The following NFXL1 variants were observed in gnomAD, a reference collection of about 807,000 sequenced individuals.
NFXL1 encodes nuclear transcription factor, X-box binding like 1, also known as NF-X1-type zinc finger protein NFXL1.
A neutral mutation model predicts 123.3 loss-of-function variants in NFXL1; 66 were observed. That is an observed-to-expected ratio of 0.54 (90% CI 0.44 to 0.66). NFXL1 has a LOEUF of 0.66. Ranked by LOEUF, NFXL1 falls within the 30% of genes least tolerant of loss-of-function variation. The pLI is 0.00. For missense variants in NFXL1, 944 were observed against 1,125.6 expected, an observed-to-expected ratio of 0.84 and a Z score of 2.31; for synonymous variants, 346 against 360.8, an observed-to-expected ratio of 0.96 and a Z score of 0.46.
intron 19 of NFXL1, among the ~76,000 whole-genome samples, chr4:47,861,290 T>A (rs565299061): frequency 2.0e-5 from 3 of 152,164 alleles, no homozygotes; most frequent in Non-Finnish European, 4.4e-5. Context: ...ACAATGAAAT[T>A]CACCTGTCTA....
rs568942794 is a variant in NFXL1 at position 47,878,949 on chromosome 4, T to C, written c.1938+147A>G. On this transcript the variant is annotated intron_variant, in intron 16 of 22. Coordinates refer to ENST00000507489, the MANE Select transcript of NFXL1 (RefSeq NM_001278624.2). Reference sequence around the variant, plus strand: ...TCAAATAAAGGCACTACATATTTTTTAAATTAGTAGATAAACTCTTGTACT... The same window carrying C: ...TCAAATAAAGGCACTACATATTTTTCAAATTAGTAGATAAACTCTTGTACT... 4 of 548,254 alleles carry C rather than the reference T, an allele frequency of 7.3e-6. No individual in the cohort carries two copies. In the South Asian group the frequency reaches 1.2e-4, roughly 17 times the overall value. The allele number at this position is 548,254 out of a possible 1,614,324, so 34.0% of individuals were successfully genotyped here.
At position 47,914,197 on chromosome 4, in the gene NFXL1, C is replaced by G; in HGVS notation, c.7G>C (p.Ala3Pro). 6.7e-7 allele frequency: 1 copy of G among 1,502,808 alleles called. No homozygotes were observed. Among genetic ancestry groups the G allele is most frequent in the Non-Finnish European group, 8.9e-7 (1 of 1,124,526 alleles). The allele number at this position is 1,502,808 out of a possible 1,614,324, so 93.1% of individuals were successfully genotyped here. The change falls in exon 2 of 23, where the codon GCT (alanine) becomes CCT (proline). Residue 3 changes from alanine (A) to proline (P), a missense_variant. By Grantham distance (27) the Ala-to-Pro change is conservative. Around this residue, in one of 4 missense-constraint regions of NFXL1, gnomAD observed 303 missense variants for 292.1 expected, o/e 1.04. Coordinates refer to ENST00000507489, the MANE Select transcript of NFXL1 (RefSeq NM_001278624.2). Reference protein sequence around the residue: MEASWRQVAGGRG... With the variant: MEPSWRQVAGGRG... ...CCACCGGCCACCTGGCGCCAGGAAGCTTCCATCCCTGCAAAGGAGAAAAAA... is the reference window on the plus strand; with the variant it reads ...CCACCGGCCACCTGGCGCCAGGAAGGTTCCATCCCTGCAAAGGAGAAAAAA...
chr4:47,913,578 C>A (rs2110113388), intron 2 of NFXL1, among the ~76,000 whole-genome samples: 1 of 152,330 alleles, frequency 6.6e-6, no homozygotes, highest in South Asian at 2.1e-4. Context: ...ACTAAAGCCA[C>A]AAGGTTGTTA....
chr4:47,910,361 C>T (rs938446024), intron 3 of NFXL1, among the ~76,000 whole-genome samples: 1 of 151,734 alleles, frequency 6.6e-6, no homozygotes, highest in Non-Finnish European at 1.5e-5. Context: ...AAAATAAATA[C>T]ATGAAAATCA....
At chr4:47,900,270 C>T (rs549660126) in intron 5 of NFXL1, among the ~76,000 whole-genome samples, 2 of 151,812 alleles carry the variant, frequency 1.3e-5, no homozygotes, top group Non-Finnish European at 2.9e-5. Context: ...AGTATAGTGG[C>T]GCAATCTCGG....
intron 2 of NFXL1, among the ~76,000 whole-genome samples, chr4:47,912,461 C>CT (rs11344755): frequency 0.084 from 9,916 of 117,780 alleles, 587 homozygotes; most frequent in East Asian, 0.34. Context: ...TCTTTTCTTT[C>CT]TTTTTTTTTT....
At chr4:47,901,478 A>C (rs1456567158) in intron 5 of NFXL1, among the ~76,000 whole-genome samples, 2 of 152,182 alleles carry the variant, frequency 1.3e-5, no homozygotes, top group South Asian at 4.1e-4. Flanking sequence ...AAATATATAC[A>C]TAAGGTTTAA....
At chr4:47,892,575 G>T (rs1270236047) in intron 11 of NFXL1, among the ~76,000 whole-genome samples, 2 of 152,130 alleles carry the variant, frequency 1.3e-5, no homozygotes, top group Non-Finnish European at 2.9e-5. Context: ...CAGAATAGAA[G>T]GACCTTCTAA....
At chr4:47,872,544 A>T (rs1302924654) in intron 18 of NFXL1, among the ~76,000 whole-genome samples, 1 of 152,154 alleles carries the variant, frequency 6.6e-6, no homozygotes, top group African/African-American at 2.4e-5. Flanking sequence ...TCAGTTCCAG[A>T]CCACCTTAAT....
chr4:47,905,067 A>AT (rs1737503317), intron 4 of NFXL1, among the ~76,000 whole-genome samples, 170 bp downstream of exon 4: 1 of 151,780 alleles, frequency 6.6e-6, no homozygotes, highest in Non-Finnish European at 1.5e-5. Context: ...TTTAGTGGTA[A>AT]TTTTTTTTTA....
In NFXL1 at chr4:47,905,356, T is replaced by G. The variant is rs1232518890; in HGVS notation, c.407-10A>C. 7.3e-7 allele frequency: 1 copy of G among 1,378,774 alleles called. No homozygotes were observed. Among genetic ancestry groups the G allele is most frequent in the Non-Finnish European group, 1.0e-6 (1 of 973,142 alleles). 85.4% of individuals were successfully genotyped at this position (1,378,774 alleles called of 1,614,324 possible). On this transcript the variant is annotated splice_polypyrimidine_tract_variant and intron_variant, in intron 3 of 22. Transcript: ENST00000507489. ...TCACGTGTATCTCCATCTGGAAATT[T>G]AAAGATTGAAAATCTCACCCTAAAC...
chr4:47,854,445 T>C (rs1170946051), intron 20 of NFXL1, among the ~76,000 whole-genome samples: 1 of 152,094 alleles, frequency 6.6e-6, no homozygotes, highest in African/African-American at 2.4e-5. Context: ...GGACAGTATA[T>C]TTTCCTTCAT....
rs1029815010 is a variant in NFXL1 at position 47,871,222 on chromosome 4, A to G, written c.2246+3905T>C. ...CAAAAAATTAGCTGGGCGTGGTGGC[A>G]GGCGCCTGTAGTCCCAGCTACGCGG... is the stretch of plus-strand genomic sequence containing the variant. On this transcript the variant is annotated intron_variant, in intron 18 of 22. Coordinates refer to ENST00000507489, the MANE Select transcript of NFXL1 (RefSeq NM_001278624.2). 2.1e-4 allele frequency among the ~76,000 whole-genome samples: 32 copies of G among 152,186 alleles called. No individual in the cohort carries two copies. In the East Asian group the frequency reaches 2.3e-3, roughly 11 times the overall value.
At chr4:47,849,249 T>C (rs549773179) in intron 22 of NFXL1, among the ~76,000 whole-genome samples, 4 of 152,312 alleles carry the variant, frequency 2.6e-5, no homozygotes, top group African/African-American at 9.6e-5. Context: ...ATGACTATTT[T>C]AGACATAAAA....
chr4:47,889,530 C>T (rs947952775), intron 12 of NFXL1, among the ~76,000 whole-genome samples: 1 of 152,162 alleles, frequency 6.6e-6, no homozygotes, highest in Non-Finnish European at 1.5e-5. Context: ...CCACATATCC[C>T]TATATGCTGC....
Position 47,848,037 on chromosome 4 carries a change from C to T in NFXL1, c.*126G>A. The T allele has an allele frequency of 1.7e-6, 1 of 596,236 alleles. No individual in the cohort carries two copies. Among genetic ancestry groups the T allele is most frequent in the Non-Finnish European group, 2.8e-6 (1 of 356,174 alleles). 36.9% of individuals were successfully genotyped at this position (596,236 alleles called of 1,614,324 possible). ...GTTTAACATTCTGTCCTTCTAACAA[C>T]AGCTGAGAGAATACAGAGATGAATG... On this transcript the variant is annotated 3_prime_UTR_variant, in exon 23 of 23. Transcript: ENST00000507489.
At chr4:47,884,299 T>A in intron 15 of NFXL1, 47 bp downstream of exon 15, 1 of 1,142,470 alleles carries the variant, frequency 8.8e-7, no homozygotes, top group Non-Finnish European at 1.3e-6. Flanking sequence ...TTAAGCTATG[T>A]CAAAAGTTTT....
In NFXL1 at chr4:47,894,312, T is replaced by C; in HGVS notation, c.1330-10A>G. 1 of 1,562,882 alleles carries C rather than the reference T, an allele frequency of 6.4e-7. No individual in the cohort carries two copies. Among genetic ancestry groups the C allele is most frequent in the Non-Finnish European group, 8.7e-7 (1 of 1,155,520 alleles). ...AATGCTTTTCCACTTCCTGGAAGAA[T>C]AAAAGAAATGCTATTAAAATTGATT... On this transcript the variant is annotated splice_polypyrimidine_tract_variant and intron_variant, in intron 10 of 22. Transcript: ENST00000507489.
chr4:47,884,852 C>T (rs1736328437), intron 14 of NFXL1, among the ~76,000 whole-genome samples: 1 of 152,064 alleles, frequency 6.6e-6, no homozygotes, highest in African/African-American at 2.4e-5. Flanking sequence ...CTGGGCTGGA[C>T]GTGGTGCCTC....
Sources: allele counts gnomAD v4.1 joint callset (sites outside exome capture counted in the v4.1 genomes callset), GRCh38; gene constraint gnomAD v4.1.1; regional missense constraint gnomAD v4.1.1; transcripts MANE v1.5; gene names NCBI Gene and HGNC (gene_info 2026-07-23, HGNC 2026-07-21).